PHLPP2: variants seen among roughly 807,000 people sequenced by gnomAD.
PHLPP2 encodes PH domain and leucine rich repeat protein phosphatase 2, also known as PH domain leucine-rich repeat-containing protein phosphatase 2.
Under a neutral mutation model 124.9 loss-of-function variants are expected in PHLPP2, and 66 were observed. The ratio of observed to expected loss-of-function variants is 0.53; its 90% confidence interval spans 0.43 to 0.65. The LOEUF is 0.65. Ranked by LOEUF, PHLPP2 falls within the 30% of genes least tolerant of loss-of-function variation. The probability of loss-of-function intolerance (pLI) is 0.00; values close to 1 mark genes in which losing one functional copy is unlikely to be tolerated. For synonymous variants in PHLPP2, 681 were observed against 624.7 expected, an observed-to-expected ratio of 1.09 and a Z score of -1.34; for missense variants, 1,685 against 1,600.4, an observed-to-expected ratio of 1.05 and a Z score of -0.90.
At position 71,714,599 on chromosome 16, in the gene PHLPP2, A is replaced by T. The variant is rs2045346162; in HGVS notation, c.197T>A (p.Leu66His). 2 of 1,614,164 alleles carry T rather than the reference A, an allele frequency of 1.2e-6. No homozygotes were observed. The highest frequency in any genetic ancestry group is 1.7e-6 in the Non-Finnish European group (2 of 1,180,022). Residue 66 changes from leucine to histidine, a missense_variant, in exon 2 of 19, where the codon CTT becomes CAT. Transcript: ENST00000568954. ...SSSSSDLHLVLCTVETPASEI... is the reference protein window; with the variant it reads ...SSSSSDLHLVHCTVETPASEI... ...TGATGCTGGTGTCTCTACAGTGCAA[A>T]GGACGAGATGTAAGTCAGAGGAAGA...
At chr16:71,669,230 G>A (rs762775027) in intron 11 of PHLPP2, 45 bp downstream of exon 11, 5 of 1,332,568 alleles carry the variant, frequency 3.8e-6, no homozygotes, top group East Asian at 4.6e-5. Flanking sequence ...ACGCACACAC[G>A]TAAATGTTAG....
chr16:71,666,391 T>C (rs1448871212), intron 12 of PHLPP2, among the ~76,000 whole-genome samples: 1 of 152,106 alleles, frequency 6.6e-6, no homozygotes. Flanking sequence ...TGCATCCCTG[T>C]GGTCCCAACT....
chr16:71,695,792 G>A (rs2045163567), intron 3 of PHLPP2, among the ~76,000 whole-genome samples: 1 of 151,552 alleles, frequency 6.6e-6, no homozygotes, highest in Admixed American at 6.6e-5. Context: ...CAAACTCTTG[G>A]GTGAAAAAAG....
intron 1 of PHLPP2, among the ~76,000 whole-genome samples, chr16:71,717,444 C>G (rs1283463078): frequency 2.6e-5 from 4 of 152,190 alleles, no homozygotes; most frequent in Non-Finnish European, 2.9e-5. Context: ...TTGAATCTAA[C>G]TTTAGAGAAG....
At chr16:71,672,433 TC>T in intron 9 of PHLPP2, 111 bp from the exon 10 acceptor site, 1 of 764,092 alleles carries the variant, frequency 1.3e-6, no homozygotes, top group Non-Finnish European at 2.2e-6. Context: ...ACTGATGTAT[TC>T]TACCAAGATG....
intron 13 of PHLPP2, among the ~76,000 whole-genome samples, chr16:71,663,087 C>T (rs1376595996): frequency 1.3e-5 from 2 of 152,052 alleles, no homozygotes; most frequent in Admixed American, 1.3e-4. Flanking sequence ...CTTTAACAGC[C>T]TGCCTTTCTA....
At chr16:71,717,348 T>C (rs1222067490) in intron 1 of PHLPP2, among the ~76,000 whole-genome samples, 6 of 152,206 alleles carry the variant, frequency 3.9e-5, no homozygotes, top group Non-Finnish European at 8.8e-5. Context: ...AGAATGGCTT[T>C]ATTGTTTAAA....
intron 3 of PHLPP2, among the ~76,000 whole-genome samples, chr16:71,692,750 T>C (rs1597008284): frequency 6.6e-6 from 1 of 152,198 alleles, no homozygotes; most frequent in East Asian, 1.9e-4. Context: ...ATTTGAATAA[T>C]CTCTAGATTA....
At chr16:71,653,531 T>C (rs771061921) in intron 17 of PHLPP2, among the ~76,000 whole-genome samples, 3 of 152,176 alleles carry the variant, frequency 2.0e-5, no homozygotes, top group Non-Finnish European at 4.4e-5. Flanking sequence ...GATTCTTGCA[T>C]TTCCCCCATA....
In PHLPP2 at chr16:71,652,547, A is replaced by G. The variant is rs577870573; in HGVS notation, c.2817+243T>C. ...CATCCATCTTACAACCCAGCTATCAATATACAGGATCACAAATTAGGATTT... is the reference window on the plus strand; with the variant it reads ...CATCCATCTTACAACCCAGCTATCAGTATACAGGATCACAAATTAGGATTT... On this transcript the variant is annotated intron_variant, in intron 18 of 18. Transcript: ENST00000568954. Among the ~76,000 whole-genome samples the G allele has an allele frequency of 9.2e-5, 14 of 152,384 alleles. No homozygotes were observed. The South Asian group carries it at 2.9e-3, about 32-fold the overall frequency.
chr16:71,656,277 T>C (rs536310901), intron 16 of PHLPP2, among the ~76,000 whole-genome samples: 2 of 152,272 alleles, frequency 1.3e-5, no homozygotes, highest in East Asian at 3.9e-4. Flanking sequence ...ATAAAACTTA[T>C]CTATAGGGAA....
chr16:71,681,932 T>A (rs1567620327), intron 5 of PHLPP2, 27 bp from the exon 6 acceptor site: 1 of 1,563,464 alleles, frequency 6.4e-7, no homozygotes, highest in African/African-American at 1.4e-5. Context: ...AGAAGAGCCT[T>A]CTGAGCTAGT....
chr16:71,666,192 A>G (rs1342227286), intron 12 of PHLPP2: 2 of 152,192 alleles, frequency 1.3e-5, no homozygotes, highest in Non-Finnish European at 2.9e-5. Context: ...ACCATTCCGT[A>G]TTAAAAAAAA....
intron 2 of PHLPP2, 71 bp from the exon 3 acceptor site, chr16:71,702,802 T>TTTTTA: frequency 9.7e-7 from 1 of 1,027,824 alleles, no homozygotes; most frequent in Non-Finnish European, 1.4e-6. Flanking sequence ...TTTTTTAGTA[T>TTTTTA]TTTTATTTGT....
In PHLPP2 at chr16:71,704,352, T is replaced by C. The variant is rs527772363; in HGVS notation, c.285-1621A>G. 4.1e-5 allele frequency among the ~76,000 whole-genome samples: 6 copies of C among 146,218 alleles called. No individual in the cohort carries two copies. The East Asian group carries it at 7.9e-4, about 19-fold the overall frequency. On this transcript the variant is annotated intron_variant, in intron 2 of 18. Coordinates refer to ENST00000568954, the MANE Select transcript of PHLPP2 (RefSeq NM_015020.3). Reference sequence around the variant, plus strand: ...TTAATAATTATAGTATTAATAACTATAAGAAACATGATGCATTTCCCATCA... The same window carrying C: ...TTAATAATTATAGTATTAATAACTACAAGAAACATGATGCATTTCCCATCA...
chr16:71,714,742 A>G lies in PHLPP2; in HGVS notation c.54T>C (p.Ser18=), dbSNP rs750349914. 1.2e-6 allele frequency: 2 copies of G among 1,614,154 alleles called. No homozygotes were observed. Among genetic ancestry groups the G allele is most frequent in the Non-Finnish European group, 1.7e-6 (2 of 1,180,014 alleles). ...NCLNRRSRFG[S]RERDWLREDV... is the part of the protein sequence containing the mutation. ...CTTCTCTTAGCCAGTCTCTTTCTCG[A>G]GAACCAAACCTACTTCTCCTATTCA... The change falls in exon 2 of 19, where the codon TCT becomes TCC. Residue 18 remains serine, a synonymous_variant. Transcript: ENST00000568954.
chr16:71,649,679 G>A lies in PHLPP2; in HGVS notation c.3183C>T (p.Ile1061=), dbSNP rs2044681683. ...GPVGFASTTT[I]KDAPKPATPS... is the part of the protein sequence containing the mutation. ...GAGTGGCTGGCTTAGGGGCATCCTT[G>A]ATAGTGGTGGTTGAAGCAAATCCCA... Residue 1061 remains isoleucine, a synonymous_variant, in exon 19 of 19, where the codon ATC becomes ATT. Coordinates refer to ENST00000568954, the MANE Select transcript of PHLPP2 (RefSeq NM_015020.3). 1.9e-6 allele frequency: 3 copies of A among 1,614,146 alleles called. No homozygotes were observed. Among genetic ancestry groups the A allele is most frequent in the African/African-American group, 2.7e-5 (2 of 75,056 alleles).
At chr16:71,661,718 T>C (rs536116812) in intron 13 of PHLPP2, among the ~76,000 whole-genome samples, 1 of 152,290 alleles carries the variant, frequency 6.6e-6, no homozygotes, top group Admixed American at 6.5e-5. Context: ...TTCACACCTA[T>C]AATCCCAGCA....
rs781588624 is a variant in PHLPP2, at chr16:71,669,354, C to G, written c.1549G>C (p.Val517Leu). The G allele has an allele frequency of 6.2e-7, 1 of 1,610,246 alleles. No homozygotes were observed. Among genetic ancestry groups the G allele is most frequent in the Non-Finnish European group, 8.5e-7 (1 of 1,178,206 alleles). ...LDLSRNLLEC[V>L]PDWACEAKKI... is the part of the protein sequence containing the mutation. The stretch of plus-strand genomic sequence containing the variant: ...TTTGCTTCACAGGCCCAGTCAGGGA[C>G]ACACTCTAGCAGGTTTCTGCAGAAA... The change falls in exon 11 of 19, where the codon GTC becomes CTC. Residue 517 changes from valine to leucine, a missense_variant. Coordinates refer to ENST00000568954, the MANE Select transcript of PHLPP2 (RefSeq NM_015020.3).
Sources: allele counts gnomAD v4.1 joint callset (sites outside exome capture counted in the v4.1 genomes callset), GRCh38; gene constraint gnomAD v4.1.1; transcripts MANE v1.5; gene names NCBI Gene and HGNC (gene_info 2026-07-23, HGNC 2026-07-21).